The following TLE4 variants were observed in gnomAD, a reference collection of about 807,000 sequenced individuals.
TLE4 encodes TLE family member 4, transcriptional corepressor.
Under a neutral mutation model 92.8 loss-of-function variants are expected in TLE4, and 8 were observed. The observed-to-expected ratio is 0.09, with a 90% CI of 0.05 to 0.16. The LOEUF (loss-of-function observed/expected upper bound fraction) is 0.16, where lower values mean the gene tolerates loss of function less well. Among genes scored for constraint, TLE4 ranks in the 10% least tolerant of loss-of-function variants. The pLI, the probability that TLE4 is intolerant of heterozygous loss-of-function variation, is 1.00. For missense variants in TLE4, 675 were observed against 997.6 expected, an observed-to-expected ratio of 0.68 and a Z score of 4.36; for synonymous variants, 371 against 374.1, an observed-to-expected ratio of 0.99 and a Z score of 0.10.
intron 4 of TLE4, among the ~76,000 whole-genome samples, chr9:79,577,250 A>G (rs1223057441): frequency 6.6e-6 from 1 of 152,292 alleles, no homozygotes; most frequent in African/African-American, 2.4e-5. Flanking sequence ...CTTTTTGGGT[A>G]TAGTTATTTT....
At chr9:79,587,652 G>A (rs2041466821) in intron 4 of TLE4, among the ~76,000 whole-genome samples, 1 of 152,034 alleles carries the variant, frequency 6.6e-6, no homozygotes, top group Non-Finnish European at 1.5e-5. Flanking sequence ...GCTATTGTGT[G>A]GACAGCTAAA....
chr9:79,634,170 T>C (rs923635893), intron 6 of TLE4, among the ~76,000 whole-genome samples: 3 of 152,234 alleles, frequency 2.0e-5, no homozygotes, highest in Non-Finnish European at 4.4e-5. Flanking sequence ...ATTTTCATTT[T>C]GAGTGATATT....
chr9:79,667,710 A>G (rs535431744), intron 8 of TLE4, among the ~76,000 whole-genome samples: 177 of 152,292 alleles, frequency 1.2e-3, no homozygotes, highest in Middle Eastern at 3.4e-3. Context: ...AGGTAAAGAT[A>G]GTGTGGAGCT....
At position 79,640,813 on chromosome 9, in the gene TLE4, A is replaced by AT. The variant is rs559430502; in HGVS notation, c.391-11774dup. Among the ~76,000 whole-genome samples, 1,126 of 152,236 alleles carry AT rather than the reference A, an allele frequency of 7.4e-3. 8 individuals are homozygous for AT. The highest frequency in any genetic ancestry group is 0.012 in the Non-Finnish European group (811 of 68,012). On this transcript the variant is annotated intron_variant, in intron 6 of 19. Coordinates refer to ENST00000376552, the MANE Select transcript of TLE4 (RefSeq NM_007005.6). ...CCACTCTCAGATTCAGAAAATTATTATTTTTTAATATTCTAGCTTAAAATA... is the reference window on the plus strand; with the variant it reads ...CCACTCTCAGATTCAGAAAATTATTATTTTTTTAATATTCTAGCTTAAAATA...
chr9:79,572,682 C>T lies in TLE4; in HGVS notation c.-109C>T, dbSNP rs1421751403. 3.4e-6 allele frequency: 4 copies of T among 1,164,910 alleles called. No individual in the cohort carries two copies. Among genetic ancestry groups the T allele is most frequent in the Non-Finnish European group, 4.9e-6 (4 of 816,342 alleles). The allele number at this position is 1,164,910 out of a possible 1,614,324, so 72.2% of individuals were successfully genotyped here. A position where few individuals can be genotyped will look rare whatever the true frequency, so the allele number is the denominator to read the frequency against. On this transcript the variant is annotated 5_prime_UTR_variant, in exon 1 of 20. Coordinates refer to ENST00000376552, the MANE Select transcript of TLE4 (RefSeq NM_007005.6). Reference sequence around the variant, plus strand: ...GGGGGCCGGGACCGCCCGAGCCGCCCCTCAGACCGAGCCGGCCGCCTCCGC... The same window carrying T: ...GGGGGCCGGGACCGCCCGAGCCGCCTCTCAGACCGAGCCGGCCGCCTCCGC...
chr9:79,679,069 C>G (rs1197181424), intron 8 of TLE4, among the ~76,000 whole-genome samples: 1 of 151,710 alleles, frequency 6.6e-6, no homozygotes, highest in Non-Finnish European at 1.5e-5. Flanking sequence ...GTGAATAGTG[C>G]CGCAGTAAAC....
chr9:79,721,117 C>T (rs183018178), intron 16 of TLE4, among the ~76,000 whole-genome samples: 1 of 152,324 alleles, frequency 6.6e-6, no homozygotes, highest in Non-Finnish European at 1.5e-5. Context: ...AACAAATCAT[C>T]ACTTTCATTG....
chr9:79,690,779 CTTTTTTTTTTTTT>C (rs35528090), intron 8 of TLE4, among the ~76,000 whole-genome samples: 26 of 54,152 alleles, frequency 4.8e-4, no homozygotes, highest in Middle Eastern at 0.014. Context: ...CCACTCCTGG[CTTTTTTTTTTTTT>C]TTTTTTTTTT....
chr9:79,584,887 A>G (rs942226210), intron 4 of TLE4, among the ~76,000 whole-genome samples: 3 of 152,196 alleles, frequency 2.0e-5, no homozygotes, highest in Non-Finnish European at 4.4e-5. Context: ...AAAGATGAAA[A>G]CATGAATCAT....
intron 8 of TLE4, among the ~76,000 whole-genome samples, chr9:79,664,358 A>G (rs2061039308): frequency 6.6e-6 from 1 of 152,206 alleles, no homozygotes; most frequent in African/African-American, 2.4e-5. Flanking sequence ...AGAAAATTGA[A>G]ATAATCACTT....
chr9:79,708,937 T>A, intron 13 of TLE4, 151 bp downstream of exon 13: 2 of 912,126 alleles, frequency 2.2e-6, no homozygotes, highest in Non-Finnish European at 3.2e-6. Flanking sequence ...GCTTAAGCGA[T>A]CCTCCCACCT....
chr9:79,708,397 G>A (rs1290623156), intron 12 of TLE4, 147 bp downstream of exon 12: 2 of 1,151,860 alleles, frequency 1.7e-6, no homozygotes, highest in Non-Finnish European at 1.2e-6. Flanking sequence ...GAGCACCTGG[G>A]ACCAACCTTG....
intron 8 of TLE4, among the ~76,000 whole-genome samples, chr9:79,694,312 G>A (rs1227599773): frequency 1.3e-5 from 2 of 152,148 alleles, no homozygotes; most frequent in Admixed American, 6.5e-5. Flanking sequence ...TGCTGGGGGA[G>A]GGTGAGAGAT....
At chr9:79,602,567 A>G (rs758902700) in intron 4 of TLE4, among the ~76,000 whole-genome samples, 4 of 152,214 alleles carry the variant, frequency 2.6e-5, no homozygotes, top group Non-Finnish European at 5.9e-5. Flanking sequence ...TGTTTATAGC[A>G]TGGTTTACTG....
At chr9:79,687,199 G>A (rs1405564170) in intron 8 of TLE4, among the ~76,000 whole-genome samples, 2 of 152,190 alleles carry the variant, frequency 1.3e-5, no homozygotes, top group African/African-American at 2.4e-5. Flanking sequence ...CCAGCCGTGG[G>A]TGATGCAACG....
At chr9:79,596,012 A>AT (rs764539474) in intron 4 of TLE4, among the ~76,000 whole-genome samples, 28 of 151,342 alleles carry the variant, frequency 1.9e-4, no homozygotes, top group Non-Finnish European at 2.1e-4. Context: ...ACGCCATGCT[A>AT]TTTTTTTGTA....
chr9:79,655,060 T>C (rs2059583499), intron 8 of TLE4, among the ~76,000 whole-genome samples: 1 of 152,166 alleles, frequency 6.6e-6, no homozygotes, highest in Non-Finnish European at 1.5e-5. Flanking sequence ...GAGAATCGCT[T>C]GAATCTGGGA....
At chr9:79,599,826 C>G (rs1455318856) in intron 4 of TLE4, among the ~76,000 whole-genome samples, 1 of 152,144 alleles carries the variant, frequency 6.6e-6, no homozygotes, top group Non-Finnish European at 1.5e-5. Flanking sequence ...TCATGTCATC[C>G]AAATCAGACC....
At position 79,617,823 on chromosome 9, in the gene TLE4, GT is replaced by G. The variant is rs536949251; in HGVS notation, c.315+5111del. Among the ~76,000 whole-genome samples the G allele has an allele frequency of 1.2e-4, 16 of 137,986 alleles. No homozygotes were observed. In the East Asian group the frequency reaches 1.8e-3, roughly 16 times the overall value. The allele number at this position is 137,986 out of a possible 152,430, so 90.5% of individuals were successfully genotyped here. A position where few individuals can be genotyped will look rare whatever the true frequency, so the allele number is the denominator to read the frequency against. On this transcript the variant is annotated intron_variant, in intron 5 of 19. Transcript: ENST00000376552. The stretch of plus-strand genomic sequence containing the variant: ...TTTAACAGAGATCAAAGGAACAGTG[GT>G]TTTTTCAAGGAAAAAAAAAAAAAAG...
Sources: gnomAD v4.1 joint callset for allele counts (sites outside exome capture counted in the v4.1 genomes callset) on GRCh38, gnomAD v4.1.1 for gene constraint, MANE v1.5 for transcripts, NCBI Gene and HGNC (gene_info 2026-07-23, HGNC 2026-07-21) for gene names.